Variants in INTS1 observed in about 807,000 individuals in gnomAD.
INTS1 encodes the protein integrator complex subunit 1.
INTS1 carries 137 observed loss-of-function variants against 241.6 expected under a neutral mutation model. That is an observed-to-expected ratio of 0.57 (90% CI 0.49 to 0.65). The LOEUF (loss-of-function observed/expected upper bound fraction) is 0.65. Among genes scored for constraint, INTS1 ranks in the 30% least tolerant of loss-of-function variants. The probability of loss-of-function intolerance (pLI) is 0.00; values close to 1 mark genes in which losing one functional copy is unlikely to be tolerated. For missense variants in INTS1, 3,073 were observed against 3,032.2 expected (o/e 1.01, Z -0.32); for synonymous variants, 1,692 against 1,337.8 (o/e 1.26, Z -5.78).
In INTS1 at chr7:1,493,808, C is replaced by T; in HGVS notation, c.2014G>A (p.Ala672Thr). 3 of 1,576,466 alleles carry T rather than the reference C, an allele frequency of 1.9e-6. No individual in the cohort carries two copies. The highest frequency in any genetic ancestry group is 1.3e-5 in the African/African-American group (1 of 74,130). Reference sequence around the variant, plus strand: ...ACCAGGTGGTCAGCAAGCTCCATGGCGTCCGCAGGCCCGAGCGGGAGCTCC... The same window carrying T: ...ACCAGGTGGTCAGCAAGCTCCATGGTGTCCGCAGGCCCGAGCGGGAGCTCC... ...SRELPLGPAD[A>T]MELADHLVKR... The change falls in exon 15 of 48, where the codon GCC becomes ACC. Residue 672 changes from alanine to threonine, a missense_variant. By Grantham distance (58) the Ala-to-Thr change is moderately conservative. Transcript: ENST00000404767. This position sits in a 1 kb window ranked among gnomAD's most constrained non-coding sequence, Gnocchi z 5.3.
At position 1,487,335 on chromosome 7, in the gene INTS1, G is replaced by A. The variant is rs569085009; in HGVS notation, c.2631C>T (p.His877=). ...CGGCACTCACCTGCCGCTGGATGAT[G>A]TGGAGGAGAAAGTCAGGGTTTCGGC... is the stretch of plus-strand genomic sequence containing the variant. ...CRSRNPDFLL[H]IIQRQASSQS... The change falls in exon 20 of 48, where the codon CAC becomes CAT. Residue 877 remains histidine (H), a synonymous_variant. Transcript: ENST00000404767. 1.2e-5 allele frequency: 20 copies of A among 1,602,220 alleles called. No homozygotes were observed. Among genetic ancestry groups the A allele is most frequent in the Non-Finnish European group, 1.7e-5 (20 of 1,174,890 alleles).
At chr7:1,500,640 G>A (rs1421935426) in intron 3 of INTS1, among the ~76,000 whole-genome samples, 4 of 152,208 alleles carry the variant, frequency 2.6e-5, no homozygotes, top group African/African-American at 9.7e-5. Context: ...AAAGGCTACA[G>A]ACATTTCCCA....
chr7:1,487,581 T>C, intron 19 of INTS1, 132 bp from the exon 20 acceptor site: 1 of 1,307,372 alleles, frequency 7.6e-7, no homozygotes, highest in South Asian at 1.4e-5. Context: ...ACCTGGGATG[T>C]CCCCAAGGCC....
At chr7:1,471,360 G>T (rs1781460301) in intron 45 of INTS1, 136 bp from the exon 46 acceptor site, 1 of 1,028,120 alleles carries the variant, frequency 9.7e-7, no homozygotes, top group Non-Finnish European at 1.4e-6. Context: ...GGACGCACGT[G>T]CCACTGGCCG....
intron 16 of INTS1, among the ~76,000 whole-genome samples, chr7:1,491,138 A>T (rs1020185908): frequency 2.0e-5 from 3 of 152,248 alleles, no homozygotes; most frequent in Non-Finnish European, 2.9e-5. Context: ...AGAAAACGGG[A>T]GGAGGGCTTC....
chr7:1,498,048 C>T (rs7778198), intron 10 of INTS1, among the ~76,000 whole-genome samples: 148,971 of 152,270 alleles, frequency 0.98, 72,896 homozygotes, highest in East Asian at 1. Context: ...ACCCGGTCTC[C>T]ACAAAATTTT....
In INTS1 at chr7:1,493,731, G is replaced by A. The variant is rs1232300415; in HGVS notation, c.2068+23C>T. 1.5e-5 allele frequency: 23 copies of A among 1,559,104 alleles called. No homozygotes were observed. Among genetic ancestry groups the A allele is most frequent in the African/African-American group, 2.7e-5 (2 of 73,410 alleles). ...CGAGGGGAGCAGACCCAGCACAGGCGCCATCCCCTGCAGAAGCCATACCAT... is the reference window on the plus strand; with the variant it reads ...CGAGGGGAGCAGACCCAGCACAGGCACCATCCCCTGCAGAAGCCATACCAT... On this transcript the variant is annotated intron_variant, in intron 15 of 47. Transcript: ENST00000404767. This position sits in a 1 kb window ranked among gnomAD's most constrained non-coding sequence, Gnocchi z 5.3.
rs1048029089 is a variant in INTS1, at chr7:1,473,159, G to A, written c.5983C>T (p.Leu1995=). 5.6e-6 allele frequency: 9 copies of A among 1,611,944 alleles called. No individual in the cohort carries two copies. In the South Asian group the frequency reaches 6.6e-5, roughly 12 times the overall value. The change falls in exon 43 of 48, where the codon CTG becomes TTG. Residue 1995 remains leucine (L), a synonymous_variant. Transcript: ENST00000404767. ...GCAAGGAGGGATTTCAGCATCACCA[G>A]GTCACTGTTGTCGAAGGACAGGTCG... ...LHDLSFDNSD[L]VMLKSLLAGL...
chr7:1,471,757 G>A, intron 44 of INTS1, 116 bp from the exon 45 acceptor site: 1 of 940,280 alleles, frequency 1.1e-6, no homozygotes, highest in Non-Finnish European at 1.7e-6. Context: ...GAAAGCACTG[G>A]AAAGCATGAG....
intron 44 of INTS1, 158 bp from the exon 45 acceptor site, chr7:1,471,799 C>A (rs1432500046): frequency 1.5e-5 from 10 of 662,638 alleles, no homozygotes; most frequent in Non-Finnish European, 2.4e-5. Flanking sequence ...CACCTGCCCC[C>A]AAGCTCCACA....
At chr7:1,479,337 C>G (rs1285285946) in intron 31 of INTS1, 93 bp downstream of exon 31, 1 of 1,401,934 alleles carries the variant, frequency 7.1e-7, no homozygotes, top group East Asian at 2.6e-5. Flanking sequence ...ACCCAAGACC[C>G]ACAGAGGAGC....
At chr7:1,503,840 T>C (rs1290814647) in intron 2 of INTS1, 63 bp downstream of exon 2, 79 of 898,440 alleles carry the variant, frequency 8.8e-5, no homozygotes, top group Admixed American at 7.8e-5. Flanking sequence ...GCAGCTGAGA[T>C]CCCCAAAGAC....
rs1781775908 is a variant in INTS1, at chr7:1,477,451, C to G, written c.4938+99G>C. 6.5e-6 allele frequency: 9 copies of G among 1,379,754 alleles called. No homozygotes were observed. In the South Asian group the frequency reaches 1.1e-4, roughly 16 times the overall value. The allele number at this position is 1,379,754 out of a possible 1,614,324, so 85.5% of individuals were successfully genotyped here. ...CCTGAGAGCAGGGGGGGTGCTGGGG[C>G]CCCTGCAAGGCTCGCCCAGGCCAAG... On this transcript the variant is annotated intron_variant, in intron 35 of 47. Coordinates refer to ENST00000404767, the MANE Select transcript of INTS1 (RefSeq NM_001080453.3).
rs1009728305 is a variant in INTS1 at position 1,481,872 on chromosome 7, G to A, written c.3704-384C>T. Among the ~76,000 whole-genome samples the A allele has an allele frequency of 6.6e-6, 1 of 152,172 alleles. No individual in the cohort carries two copies. Among genetic ancestry groups the A allele is most frequent in the Non-Finnish European group, 1.5e-5 (1 of 68,018 alleles). ...CCACCTTGCACCCTGGATGGCAGCT[G>A]TGTGGGCCCCATCCCCAGGGGTGGG... On this transcript the variant is annotated intron_variant, in intron 27 of 47. Coordinates refer to ENST00000404767, the MANE Select transcript of INTS1 (RefSeq NM_001080453.3). This position sits in a 1 kb window ranked among gnomAD's most constrained non-coding sequence, Gnocchi z 6.8.
Position 1,493,627 on chromosome 7 carries a change from G to GGGGACCC in INTS1, c.2068+120_2068+126dup. 2.3e-6 allele frequency: 3 copies of GGGGACCC among 1,279,496 alleles called. No homozygotes were observed. Among genetic ancestry groups the GGGGACCC allele is most frequent in the Non-Finnish European group, 3.1e-6 (3 of 960,716 alleles). 79.3% of individuals were successfully genotyped at this position (1,279,496 alleles called of 1,614,324 possible). A position where few individuals can be genotyped will look rare whatever the true frequency, so the allele number is the denominator to read the frequency against. On this transcript the variant is annotated intron_variant, in intron 15 of 47. Transcript: ENST00000404767. The surrounding 1 kb of genome is among the most constrained non-coding windows in gnomAD (Gnocchi z 5.3). ...GAGAAGGCAGGTCCCCGAGCCTCCC[G>GGGGACCC]GGGACCCAGGACCCAGCTGAAGCGC...
At position 1,492,944 on chromosome 7, in the gene INTS1, G is replaced by A. The variant is rs565411599; in HGVS notation, c.2165+66C>T. On this transcript the variant is annotated intron_variant, in intron 16 of 47. Transcript: ENST00000404767. ...TGGGGAGCGGGGCGCGGGCTTACCC[G>A]GGTGGGAGTGGGGAGCGGGGCGCGG... 1.3e-3 allele frequency: 1,531 copies of A among 1,175,804 alleles called. 3 individuals carry two copies. The highest frequency in any genetic ancestry group is 2.1e-3 in the South Asian group (158 of 77,004). The allele number at this position is 1,175,804 out of a possible 1,614,324, so 72.8% of individuals were successfully genotyped here. A position where few individuals can be genotyped will look rare whatever the true frequency, so the allele number is the denominator to read the frequency against.
At position 1,486,996 on chromosome 7, in the gene INTS1, C is replaced by G. The variant is rs751650149; in HGVS notation, c.2752G>C (p.Ala918Pro). Residue 918 changes from alanine (A) to proline (P), a missense_variant, in exon 21 of 48, where the codon GCT becomes CCT. Physicochemically the swap from Ala to Pro is conservative, Grantham distance 27. Transcript: ENST00000404767. ...QCLCEFLLHD[A>P]VDDAASGEED... ...TCCCCGGAAGCAGCATCGTCCACAGCATCGTGCAGCAGGAACTCGCACAGA... is the reference window on the plus strand; with the variant it reads ...TCCCCGGAAGCAGCATCGTCCACAGGATCGTGCAGCAGGAACTCGCACAGA... 1.2e-6 allele frequency: 2 copies of G among 1,607,412 alleles called. No individual in the cohort carries two copies. The highest frequency in any genetic ancestry group is 1.7e-5 in the Admixed American group (1 of 59,778).
At chr7:1,479,298 G>A in intron 31 of INTS1, 132 bp downstream of exon 31, 1 of 1,098,406 alleles carries the variant, frequency 9.1e-7, no homozygotes, top group East Asian at 2.7e-5. Flanking sequence ...ACTCCCTGGG[G>A]CACTGTCCTT....
chr7:1,498,943 G>GGCGC, intron 8 of INTS1, 32 bp downstream of exon 8: 3 of 1,070,738 alleles, frequency 2.8e-6, no homozygotes, highest in Non-Finnish European at 3.8e-6. Context: ...CCCACCCCCT[G>GGCGC]CCCCGCCCAC....
Sources: gnomAD v4.1 joint callset for allele counts (sites outside exome capture counted in the v4.1 genomes callset) on GRCh38, gnomAD v4.1.1 for gene constraint, Gnocchi (gnomAD v3.1) non-coding constraint, MANE v1.5 for transcripts, NCBI Gene and HGNC (gene_info 2026-07-23, HGNC 2026-07-21) for gene names.